CA10: variants seen among roughly 807,000 people sequenced by gnomAD.
CA10 encodes the protein carbonic anhydrase 10 (inactive), also known as carbonic anhydrase-related protein 10.
Under a neutral mutation model 44.2 loss-of-function variants are expected in CA10, and 14 were observed. That is an observed-to-expected ratio of 0.32 (90% confidence interval 0.21 to 0.50). CA10 has a LOEUF of 0.50. Among genes scored for constraint, CA10 ranks in the 20% least tolerant of loss-of-function variants. The pLI is 0.99. For missense variants in CA10, 350 were observed against 409.7 expected (o/e 0.85, Z 1.26); for synonymous variants, 159 against 141.6 (o/e 1.12, Z -0.87).
intron 4 of CA10, among the ~76,000 whole-genome samples, chr17:51,716,102 G>C (rs1405219087): frequency 6.6e-6 from 1 of 151,988 alleles, no homozygotes; most frequent in Non-Finnish European, 1.5e-5. Flanking sequence ...ATTTGATTCA[G>C]AATTTTGTGT....
At chr17:52,057,326 T>G (rs1987256519) in intron 2 of CA10, among the ~76,000 whole-genome samples, 1 of 152,020 alleles carries the variant, frequency 6.6e-6, no homozygotes, top group Non-Finnish European at 1.5e-5. Context: ...CTCTTTTCCC[T>G]CCTCCTCAGC....
intron 4 of CA10, among the ~76,000 whole-genome samples, chr17:51,690,337 A>T (rs1915151612): frequency 6.6e-6 from 1 of 152,142 alleles, no homozygotes; most frequent in East Asian, 1.9e-4. Flanking sequence ...TTCTAACTAC[A>T]ATTTTGTATA....
At chr17:51,706,809 G>A (rs184090854) in intron 4 of CA10, among the ~76,000 whole-genome samples, 1 of 152,256 alleles carries the variant, frequency 6.6e-6, no homozygotes, top group East Asian at 1.9e-4. Flanking sequence ...GCACACTCCT[G>A]CCTGAGGGCC....
intron 4 of CA10, among the ~76,000 whole-genome samples, chr17:51,663,092 T>A (rs1914066305): frequency 6.6e-6 from 1 of 151,980 alleles, no homozygotes; most frequent in Non-Finnish European, 1.5e-5. Context: ...GTCATGAGAG[T>A]GAAACAAGAT....
At position 51,715,192 on chromosome 17, in the gene CA10, A is replaced by G. The variant is rs559375738; in HGVS notation, c.465+32441T>C. Among the ~76,000 whole-genome samples the G allele has an allele frequency of 2.0e-5, 3 of 152,202 alleles. No individual in the cohort carries two copies. In the East Asian group the frequency reaches 5.8e-4, roughly 30 times the overall value. On this transcript the variant is annotated intron_variant, in intron 4 of 8. Transcript: ENST00000451037. ...GAGAACACATGGACACAGGAAGCGG[A>G]ACATCACACACCAGGGACTGTTGTG... is the stretch of plus-strand genomic sequence containing the variant.
At chr17:51,774,310 C>T (rs1905724887) in intron 3 of CA10, among the ~76,000 whole-genome samples, 1 of 152,198 alleles carries the variant, frequency 6.6e-6, no homozygotes, top group Non-Finnish European at 1.5e-5. Flanking sequence ...GACTTTAGCA[C>T]ATTTTTAATT....
intron 1 of CA10, among the ~76,000 whole-genome samples, chr17:52,118,546 T>C (rs1001039853): frequency 6.6e-6 from 1 of 152,132 alleles, no homozygotes; most frequent in South Asian, 2.1e-4. Context: ...ATGCTACAGA[T>C]GGCCCCTGGA....
At chr17:52,117,653 A>G (rs779138277) in intron 1 of CA10, among the ~76,000 whole-genome samples, 7 of 152,232 alleles carry the variant, frequency 4.6e-5, no homozygotes, top group Non-Finnish European at 8.8e-5. Flanking sequence ...CCTAGCACAT[A>G]ATTAAAACAA....
chr17:51,981,097 T>C (rs1382998310), intron 2 of CA10, among the ~76,000 whole-genome samples: 3 of 152,092 alleles, frequency 2.0e-5, no homozygotes, highest in African/African-American at 7.2e-5. Flanking sequence ...GGTACTGCCA[T>C]TTTGGAAGTT....
At chr17:52,027,707 C>T (rs890735384) in intron 2 of CA10, among the ~76,000 whole-genome samples, 2 of 152,122 alleles carry the variant, frequency 1.3e-5, no homozygotes, top group Non-Finnish European at 2.9e-5. Context: ...TTTCCCCTCA[C>T]CCCTACTCAG....
intron 3 of CA10, among the ~76,000 whole-genome samples, chr17:51,755,805 A>G (rs1259837051): frequency 2.6e-5 from 4 of 152,192 alleles, no homozygotes; most frequent in Admixed American, 6.5e-5. Context: ...TACAAAAGGA[A>G]TAAGTGAGGG....
intron 1 of CA10, among the ~76,000 whole-genome samples, chr17:52,101,379 ACAT>A (rs1988535846): frequency 6.6e-6 from 1 of 152,242 alleles, no homozygotes; most frequent in Non-Finnish European, 1.5e-5. Flanking sequence ...GGCAAATGTG[ACAT>A]CATGTCAGCA....
chr17:52,068,140 C>T (rs1440682265), intron 2 of CA10, among the ~76,000 whole-genome samples: 2 of 152,068 alleles, frequency 1.3e-5, no homozygotes, highest in East Asian at 3.9e-4. Context: ...ATTATAATCC[C>T]CATAATATCC....
chr17:51,729,271 C>T (rs1196481549), intron 4 of CA10, among the ~76,000 whole-genome samples: 1 of 152,304 alleles, frequency 6.6e-6, no homozygotes, highest in Non-Finnish European at 1.5e-5. Flanking sequence ...CCTTTTTACG[C>T]TCATGGTCAT....
intron 2 of CA10, among the ~76,000 whole-genome samples, chr17:52,022,406 C>T (rs188083514): frequency 1.3e-5 from 2 of 152,150 alleles, no homozygotes; most frequent in Admixed American, 1.3e-4. Context: ...TCCAACATCC[C>T]TTCATGATAA....
chr17:51,841,033 C>T (rs187663212), intron 3 of CA10, among the ~76,000 whole-genome samples: 24 of 151,980 alleles, frequency 1.6e-4, no homozygotes, highest in African/African-American at 5.3e-4. Flanking sequence ...GAGATGGTAA[C>T]GGCCTTCAGT....
rs377043828 is a variant in CA10 at position 51,980,734 on chromosome 17, A to G, written c.137-49602T>C. On this transcript the variant is annotated intron_variant, in intron 2 of 8. Coordinates refer to ENST00000451037, the MANE Select transcript of CA10 (RefSeq NM_020178.5). ...GGGGTCCAGCTTCAATCTTCTGCACATGGCTAGCCAGTTTTCCCAGTGCCA... is the reference window on the plus strand; with the variant it reads ...GGGGTCCAGCTTCAATCTTCTGCACGTGGCTAGCCAGTTTTCCCAGTGCCA... Among the ~76,000 whole-genome samples the G allele has an allele frequency of 1.2e-4, 19 of 152,210 alleles. No individual in the cohort carries two copies. The East Asian group carries it at 2.5e-3, about 20-fold the overall frequency.
At chr17:51,774,470 C>T (rs2319452) in intron 3 of CA10, among the ~76,000 whole-genome samples, 17,201 of 150,668 alleles carry the variant, frequency 0.11, 1,318 homozygotes, top group East Asian at 0.31. Flanking sequence ...GGTGGAGTCT[C>T]GCTCTGTTGC....
intron 2 of CA10, among the ~76,000 whole-genome samples, chr17:51,998,955 G>C (rs1985331179): frequency 6.6e-6 from 1 of 152,008 alleles, no homozygotes; most frequent in Admixed American, 6.6e-5. Context: ...AATTGTAACT[G>C]ACTCTCTATT....
Sources: gnomAD v4.1 joint callset for allele counts (sites outside exome capture counted in the v4.1 genomes callset) on GRCh38, gnomAD v4.1.1 for gene constraint, MANE v1.5 for transcripts, NCBI Gene and HGNC (gene_info 2026-07-23, HGNC 2026-07-21) for gene names.